The following MLX variants were observed in gnomAD, a reference collection of about 807,000 sequenced individuals.
MLX encodes the protein MAX dimerization protein MLX, also known as max-like protein X.
MLX carries 15 observed loss-of-function variants against 33.0 expected under a neutral mutation model. That is an observed-to-expected ratio of 0.45 (90% CI 0.30 to 0.70). MLX has a LOEUF of 0.70. Among genes scored for constraint, MLX ranks in the 30% least tolerant of loss-of-function variants. The pLI, the probability that MLX is intolerant of heterozygous loss-of-function variation, is 0.07. For synonymous variants in MLX, 115 were observed against 115.6 expected (o/e 0.99, Z 0.03); for missense variants, 285 against 306.3 (o/e 0.93, Z 0.52).
At chr17:42,570,348 C>T (rs2093025686) in intron 7 of MLX, among the ~76,000 whole-genome samples, 165 bp downstream of exon 7, 1 of 152,174 alleles carries the variant, frequency 6.6e-6, no homozygotes, top group African/African-American at 2.4e-5. Flanking sequence ...GCTGTCTAAC[C>T]CACATCTTCA....
At chr17:42,568,429 C>A (rs767026417) in intron 2 of MLX, 41 bp from the exon 3 acceptor site, 1 of 1,459,068 alleles carries the variant, frequency 6.9e-7, no homozygotes. Flanking sequence ...TGGCAATGTT[C>A]CCCACCCCAC....
Position 42,570,196 on chromosome 17 carries a change from A to G in MLX, c.678+13A>G, listed in dbSNP as rs1439457102. 1.2e-6 allele frequency: 2 copies of G among 1,612,788 alleles called. No individual in the cohort carries two copies. The highest frequency in any genetic ancestry group is 1.7e-5 in the Admixed American group (1 of 59,980). ...CTGTAAGCCTCAGGTATGGGGCAAC[A>G]ATAGGCACAGGGTCTGCGGTTTTCT... On this transcript the variant is annotated intron_variant, in intron 7 of 7. Coordinates refer to ENST00000435881, the MANE Select transcript of MLX (RefSeq NM_198204.2).
At chr17:42,568,967 A>C in intron 4 of MLX, 24 bp downstream of exon 4, 1 of 1,590,314 alleles carries the variant, frequency 6.3e-7, no homozygotes, top group East Asian at 2.3e-5. Context: ...CCTGTGCCTC[A>C]GCCAGTGCGG....
intron 6 of MLX, 157 bp downstream of exon 6, chr17:42,569,763 C>T: frequency 1.4e-6 from 1 of 727,202 alleles, no homozygotes; most frequent in Non-Finnish European, 2.4e-6. Context: ...TGTCCTTACA[C>T]ATGGCAGACA....
Position 42,568,477 on chromosome 17 carries a change from T to C in MLX, c.87T>C (p.Phe29=), listed in dbSNP as rs183144486. ...GGGGCCTCTCTTTTCCAGGGCTTTT[T>C]GTAGAAAGCACCCGCAAGGGGAGTG... ...YSDNSLDPGL[F]VESTRKGSVV... is the part of the protein sequence containing the mutation. The change falls in exon 3 of 8, where the codon TTT becomes TTC. Residue 29 remains phenylalanine, a synonymous_variant. Transcript: ENST00000435881. 2.0e-5 allele frequency: 33 copies of C among 1,613,742 alleles called. No homozygotes were observed. The Admixed American group carries it at 2.5e-4, about 12-fold the overall frequency.
At position 42,568,879 on chromosome 17, in the gene MLX, C is replaced by G; in HGVS notation, c.212C>G (p.Ser71Cys). The change falls in exon 4 of 8, where the codon TCC (serine) becomes TGC (cysteine). Residue 71 changes from serine (S) to cysteine (C), a missense_variant. Ser to Cys is a moderately radical substitution (Grantham distance 112). Coordinates refer to ENST00000435881, the MANE Select transcript of MLX (RefSeq NM_198204.2). ...TACCACCAGGAGGCCTACAAGGAGT[C>G]CTACAAAGACCGGCGGCGGCGCGCA... ...SDYHQEAYKE[S>C]YKDRRRRAHT... The G allele has an allele frequency of 2.5e-6, 4 of 1,611,950 alleles. No homozygotes were observed. The highest frequency in any genetic ancestry group is 3.4e-6 in the Non-Finnish European group (4 of 1,178,932).
intron 7 of MLX, among the ~76,000 whole-genome samples, 187 bp from the exon 8 acceptor site, chr17:42,571,360 C>T (rs1452468985): frequency 2.6e-5 from 4 of 152,146 alleles, no homozygotes; most frequent in Non-Finnish European, 4.4e-5. Flanking sequence ...TCTTGAAATT[C>T]AGGTGATCCA....
intron 5 of MLX, 74 bp from the exon 6 acceptor site, chr17:42,569,433 G>T: frequency 6.6e-7 from 1 of 1,513,632 alleles, no homozygotes; most frequent in Admixed American, 1.7e-5. Flanking sequence ...TGGGGTAAGG[G>T]GAACAAAGTC....
rs746673507 is a variant in MLX at position 42,571,613 on chromosome 17, G to A, written c.*10G>A. The A allele has an allele frequency of 1.4e-5, 23 of 1,611,750 alleles. No homozygotes were observed. In the African/African-American group the frequency reaches 2.8e-4, roughly 20 times the overall value. ...AAACCAGCTTTACTGACCGGTTCTT[G>A]GAAACCTGGAGAACAGCCAACAAGA... On this transcript the variant is annotated 3_prime_UTR_variant, in exon 8 of 8. Transcript: ENST00000435881.
At position 42,571,794 on chromosome 17, in the gene MLX, T is replaced by C. The variant is rs567293772; in HGVS notation, c.*191T>C. 14 of 605,970 alleles carry C rather than the reference T, an allele frequency of 2.3e-5. No homozygotes were observed. The South Asian group carries it at 2.7e-4, about 12-fold the overall frequency. 37.5% of individuals were successfully genotyped at this position (605,970 alleles called of 1,614,324 possible). ...GCGGTGTTTGTTTTGTGAAAGCTTC[T>C]GATTAATTTATTATATTGACGATAA... On this transcript the variant is annotated 3_prime_UTR_variant, in exon 8 of 8. Coordinates refer to ENST00000435881, the MANE Select transcript of MLX (RefSeq NM_198204.2).
Position 42,571,953 on chromosome 17 carries a change from G to A in MLX, c.*350G>A, listed in dbSNP as rs977395488. On this transcript the variant is annotated 3_prime_UTR_variant, in exon 8 of 8. Transcript: ENST00000435881. ...CAGATTTCTGCTCATGATCTACATA[G>A]ATTTGGAAACTGTTTTCCTCTGTTT... 6.6e-6 allele frequency: 2 copies of A among 303,864 alleles called. No homozygotes were observed. The highest frequency in any genetic ancestry group is 4.4e-5 in the African/African-American group (2 of 45,808). The allele number at this position is 303,864 out of a possible 1,614,324, so 18.8% of individuals were successfully genotyped here.
At position 42,572,608 on chromosome 17, in the gene MLX, C is replaced by A; in HGVS notation, c.*1005C>A. 2.2e-6 allele frequency: 1 copy of A among 452,160 alleles called. No individual in the cohort carries two copies. Among genetic ancestry groups the A allele is most frequent in the Non-Finnish European group, 4.4e-6 (1 of 225,844 alleles). 28.0% of individuals were successfully genotyped at this position (452,160 alleles called of 1,614,324 possible). On this transcript the variant is annotated 3_prime_UTR_variant, in exon 8 of 8. Coordinates refer to ENST00000435881, the MANE Select transcript of MLX (RefSeq NM_198204.2). ...CTACCCTAGTTCTCCAAATTCACTT[C>A]TGCCTTCCTCAGGTTTGATATCTGG...
intron 7 of MLX, among the ~76,000 whole-genome samples, chr17:42,571,323 G>A (rs1029330344): frequency 2.6e-5 from 4 of 151,902 alleles, no homozygotes; most frequent in Non-Finnish European, 5.9e-5. Flanking sequence ...TAGTAGAGAC[G>A]GGGTTTCACT....
chr17:42,572,864 T>A lies in MLX; in HGVS notation c.*1261T>A, dbSNP rs781041742. ...TGACTGCTCTGCTTAAAGGTGAAAG[T>A]AGCAGGAACAACAACAAAAGCCAAC... On this transcript the variant is annotated 3_prime_UTR_variant, in exon 8 of 8. Coordinates refer to ENST00000435881, the MANE Select transcript of MLX (RefSeq NM_198204.2). 1 of 1,337,524 alleles carries A rather than the reference T, an allele frequency of 7.5e-7. No individual in the cohort carries two copies. The highest frequency in any genetic ancestry group is 1.1e-6 in the Non-Finnish European group (1 of 933,360). 82.9% of individuals were successfully genotyped at this position (1,337,524 alleles called of 1,614,324 possible).
At chr17:42,570,499 C>A (rs1385689670) in intron 7 of MLX, among the ~76,000 whole-genome samples, 1 of 152,168 alleles carries the variant, frequency 6.6e-6, no homozygotes, top group African/African-American at 2.4e-5. Context: ...ATTCTGGGAC[C>A]CTACCTTTAG....
intron 6 of MLX, 151 bp from the exon 7 acceptor site, chr17:42,569,831 C>T: frequency 2.6e-6 from 2 of 775,882 alleles, no homozygotes; most frequent in Non-Finnish European, 4.2e-6. Flanking sequence ...GGCCACCTTT[C>T]CTGACCTGGA....
At position 42,569,972 on chromosome 17, in the gene MLX, A is replaced by G; in HGVS notation, c.477-10A>G. On this transcript the variant is annotated splice_polypyrimidine_tract_variant and intron_variant, in intron 6 of 7. Coordinates refer to ENST00000435881, the MANE Select transcript of MLX (RefSeq NM_198204.2). ...CTGCAGCACCTCAGCCCTGGCCTGC[A>G]TGCTTTTAGGAACTATGAGCAGATT... 1 of 1,613,192 alleles carries G rather than the reference A, an allele frequency of 6.2e-7. No individual in the cohort carries two copies. The highest frequency in any genetic ancestry group is 8.5e-7 in the Non-Finnish European group (1 of 1,179,770).
intron 5 of MLX, 45 bp from the exon 6 acceptor site, chr17:42,569,462 G>C: frequency 6.4e-7 from 1 of 1,559,408 alleles, no homozygotes; most frequent in East Asian, 2.2e-5. Context: ...CTTCTTGGTT[G>C]AGAATACTTC....
intron 3 of MLX, 65 bp from the exon 4 acceptor site, chr17:42,568,772 G>C: frequency 2.1e-6 from 3 of 1,402,914 alleles, no homozygotes; most frequent in Non-Finnish European, 3.0e-6. Flanking sequence ...GCTGGGGAAA[G>C]GTGGGCTAGC....
Sources: allele counts gnomAD v4.1 joint callset (sites outside exome capture counted in the v4.1 genomes callset), GRCh38; gene constraint gnomAD v4.1.1; transcripts MANE v1.5; gene names NCBI Gene and HGNC (gene_info 2026-07-23, HGNC 2026-07-21).